ZSCAN31: variants seen among roughly 807,000 people sequenced by gnomAD.
ZSCAN31 encodes the protein zinc finger and SCAN domain containing 31, also known as zinc finger and SCAN domain-containing protein 31.
Under a neutral mutation model 22.5 loss-of-function variants are expected in ZSCAN31, and 14 were observed. That is an observed-to-expected ratio of 0.62 (90% CI 0.41 to 0.97). The LOEUF (loss-of-function observed/expected upper bound fraction) is 0.97. Among genes scored for constraint, ZSCAN31 ranks in the 50% least tolerant of loss-of-function variants. The probability of loss-of-function intolerance (pLI) is 0.00; values close to 1 mark genes in which losing one functional copy is unlikely to be tolerated. For missense variants in ZSCAN31, 424 were observed against 483.4 expected (o/e 0.88, Z 1.15); for synonymous variants, 168 against 169.8 (o/e 0.99, Z 0.08).
At chr6:28,345,385 G>A (rs1764605218) in intron 2 of ZSCAN31, among the ~76,000 whole-genome samples, 1 of 152,128 alleles carries the variant, frequency 6.6e-6, no homozygotes, top group African/African-American at 2.4e-5. Flanking sequence ...CCCCAGTGCT[G>A]GCAGGATGGA....
At chr6:28,354,323 A>C, upstream of ZSCAN31, 1 of 211,328 alleles carries the variant, frequency 4.7e-6, no homozygotes, top group Non-Finnish European at 9.8e-6. Context: ...TGCGTTCCAA[A>C]CTCGCTGAGT....
chr6:28,339,417 T>C (rs183828243), upstream of ZSCAN31, among the ~76,000 whole-genome samples: 747 of 152,114 alleles, frequency 4.9e-3, 4 homozygotes, highest in Non-Finnish European at 7.6e-3. Context: ...ATACCTCGAG[T>C]ATCTGGGATT....
rs35016036 is a variant in ZSCAN31, at chr6:28,347,103, C to T, written c.-370-5311G>A. 0.05 allele frequency among the ~76,000 whole-genome samples: 7,633 copies of T among 152,236 alleles called. 309 individuals carry two copies. The highest frequency in any genetic ancestry group is 0.087 in the Non-Finnish European group (5,925 of 67,994). ...GGCAAGGCAATTCTTAAGGACTGTC[C>T]CATCCCTTGAGCTCCTGAGAGGATC... On this transcript the variant is annotated intron_variant, in intron 2 of 7. Coordinates refer to the ZSCAN31 transcript ENST00000396838. The surrounding 1 kb of genome is among the most constrained non-coding windows in gnomAD (Gnocchi z 5.2).
upstream of ZSCAN31, among the ~76,000 whole-genome samples, chr6:28,354,917 C>A (rs114485618): frequency 6.6e-6 from 1 of 152,218 alleles, no homozygotes; most frequent in Non-Finnish European, 1.5e-5. Flanking sequence ...GTGCAGATTA[C>A]GTGTCACCTT....
Position 28,329,290 on chromosome 6 carries a change from T to C in ZSCAN31, c.381+13A>G. Reference sequence around the variant, plus strand: ...AGTATTTAATGTCTAGAAGTCCATCTTTCTCCTCTCACCTGGTTCCCTGGC... The same window carrying C: ...AGTATTTAATGTCTAGAAGTCCATCCTTCTCCTCTCACCTGGTTCCCTGGC... On this transcript the variant is annotated intron_variant, in intron 2 of 3. Coordinates refer to ENST00000344279, the MANE Select transcript of ZSCAN31 (RefSeq NM_030899.5). 2 of 1,552,102 alleles carry C rather than the reference T, an allele frequency of 1.3e-6. No individual in the cohort carries two copies. Among genetic ancestry groups the C allele is most frequent in the African/African-American group, 1.4e-5 (1 of 72,460 alleles).
At chr6:28,350,440 C>G (rs1764920260) in intron 2 of ZSCAN31, 1 of 152,184 alleles carries the variant, frequency 6.6e-6, no homozygotes, top group African/African-American at 2.4e-5. Context: ...AGAGCCAGAA[C>G]GTTGGAGTCA....
At chr6:28,350,592 G>T (rs1203985984) in intron 2 of ZSCAN31, among the ~76,000 whole-genome samples, 1 of 152,146 alleles carries the variant, frequency 6.6e-6, no homozygotes. Flanking sequence ...TGTGAGGATT[G>T]AATGCATTCG....
At chr6:28,329,918 A>C (rs1315279131) in intron 1 of ZSCAN31, 140 bp from the exon 2 acceptor site, 1 of 466,470 alleles carries the variant, frequency 2.1e-6, no homozygotes, top group Non-Finnish European at 3.7e-6. Context: ...TATGTTTAGC[A>C]ACTGGGAAAA....
chr6:28,332,699 T>TCTA (rs1763850879), intron 1 of ZSCAN31, among the ~76,000 whole-genome samples: 1 of 152,224 alleles, frequency 6.6e-6, no homozygotes, highest in Admixed American at 6.5e-5. Context: ...ATGTTAATAG[T>TCTA]CAGTAGACAG....
chr6:28,349,725 C>CT lies in ZSCAN31; in HGVS notation c.-371+4136dup. On this transcript the variant is annotated intron_variant, in intron 2 of 7. Transcript: ENST00000396838. This position sits in a 1 kb window ranked among gnomAD's most constrained non-coding sequence, Gnocchi z 4.1. ...CACACACGCACACATAATTTAGATT[C>CT]TTTTTACTCTCTTCTATTCGCAAAT... is the stretch of plus-strand genomic sequence containing the variant. 1.3e-5 allele frequency among the ~76,000 whole-genome samples: 2 copies of CT among 152,320 alleles called. 1 individual carries two copies. Among genetic ancestry groups the CT allele is most frequent in the Non-Finnish European group, 2.9e-5 (2 of 68,024 alleles).
chr6:28,352,730 T>C (rs968267768), intron 2 of ZSCAN31, among the ~76,000 whole-genome samples: 4 of 152,202 alleles, frequency 2.6e-5, no homozygotes, highest in Admixed American at 1.3e-4. Flanking sequence ...TATTAGCTCA[T>C]GTAGGAGTAC....
At chr6:28,352,465 CTGTTCT>C (rs1765099953) in intron 2 of ZSCAN31, among the ~76,000 whole-genome samples, 1 of 152,130 alleles carries the variant, frequency 6.6e-6, no homozygotes, top group Non-Finnish European at 1.5e-5. Context: ...ATGGGCCAGG[CTGTTCT>C]TGAACTCCTG....
At position 28,329,579 on chromosome 6, in the gene ZSCAN31, T is replaced by C; in HGVS notation, c.105A>G (p.Gln35=). 2 of 1,614,238 alleles carry C rather than the reference T, an allele frequency of 1.2e-6. No individual in the cohort carries two copies. Among genetic ancestry groups the C allele is most frequent in the Non-Finnish European group, 1.7e-6 (2 of 1,180,042 alleles). The change falls in exon 2 of 4, where the codon CAA becomes CAG. Residue 35 remains glutamine (Q), a synonymous_variant. Coordinates refer to ENST00000344279, the MANE Select transcript of ZSCAN31 (RefSeq NM_030899.5). ...GCCTAAAAAGTTGTCGGGAGGCTTC[T>C]TGGCCAGAAAAGTTGTTCCCTCGAA... ...THLRGNNFSG[Q]EASRQLFRQF...
At position 28,331,355 on chromosome 6, in the gene ZSCAN31, A is replaced by G. The variant is rs1185017361; in HGVS notation, c.-95-1577T>C. Among the ~76,000 whole-genome samples the G allele has an allele frequency of 6.6e-6, 1 of 152,166 alleles. No individual in the cohort carries two copies. The highest frequency in any genetic ancestry group is 2.4e-5 in the African/African-American group (1 of 41,426). On this transcript the variant is annotated intron_variant, in intron 1 of 3. Transcript: ENST00000344279. The surrounding 1 kb of genome is among the most constrained non-coding windows in gnomAD (Gnocchi z 4.8). ...GCTAATTGAATTATTAAGGTCTGAG[A>G]TCACTTGGAAGTTTTTCAGTTACAC...
intron 2 of ZSCAN31, among the ~76,000 whole-genome samples, chr6:28,343,541 TC>T (rs1448030496): frequency 1.0e-4 from 14 of 137,458 alleles, no homozygotes; most frequent in Non-Finnish European, 1.5e-4. Flanking sequence ...TTTTTTTCTT[TC>T]TTTTTTTTTT....
Position 28,349,975 on chromosome 6 carries a change from G to C in ZSCAN31, c.-371+3887C>G, listed in dbSNP as rs1764861233. Reference sequence around the variant, plus strand: ...AGTTTCAAGCACTTTGTGAGTATGGGGTGAATCGGCGTCGGCCTTCCACTG... The same window carrying C: ...AGTTTCAAGCACTTTGTGAGTATGGCGTGAATCGGCGTCGGCCTTCCACTG... On this transcript the variant is annotated intron_variant, in intron 2 of 7. Transcript: ENST00000396838. The surrounding 1 kb of genome is among the most constrained non-coding windows in gnomAD (Gnocchi z 4.1). 6.6e-6 allele frequency: 1 copy of C among 152,246 alleles called. No individual in the cohort carries two copies. Among genetic ancestry groups the C allele is most frequent in the African/African-American group, 2.4e-5 (1 of 41,452 alleles). 9.4% of individuals were successfully genotyped at this position (152,246 alleles called of 1,614,324 possible).
At chr6:28,344,629 A>G (rs1266179116) in intron 2 of ZSCAN31, among the ~76,000 whole-genome samples, 2 of 152,214 alleles carry the variant, frequency 1.3e-5, no homozygotes, top group Non-Finnish European at 2.9e-5. Context: ...GTATGTTACT[A>G]AAGGCTGAAA....
At chr6:28,350,857 C>A (rs1764961184) in intron 2 of ZSCAN31, among the ~76,000 whole-genome samples, 1 of 152,126 alleles carries the variant, frequency 6.6e-6, no homozygotes, top group Non-Finnish European at 1.5e-5. Context: ...TACTCAAACT[C>A]TCAAAGGCTT....
chr6:28,354,018 T>C (rs2113900051), intron 1 of ZSCAN31: 1 of 449,578 alleles, frequency 2.2e-6, no homozygotes, highest in Non-Finnish European at 4.5e-6. Flanking sequence ...TGTCTGCCTC[T>C]GTCTCGGCTG....
Sources: gnomAD v4.1 joint callset for allele counts (sites outside exome capture counted in the v4.1 genomes callset) on GRCh38, gnomAD v4.1.1 for gene constraint, Gnocchi (gnomAD v3.1) non-coding constraint, MANE v1.5 for transcripts, NCBI Gene and HGNC (gene_info 2026-07-23, HGNC 2026-07-21) for gene names.